MTIF2: variants seen among roughly 807,000 people sequenced by gnomAD.
The protein encoded by MTIF2 is mitochondrial translational initiation factor 2, also known as translation initiation factor IF-2, mitochondrial.
In MTIF2, 71 loss-of-function variants were observed where a neutral mutation model predicts 83.5. The ratio of observed to expected loss-of-function variants is 0.85; its 90% CI spans 0.70 to 1.04. The LOEUF is 1.04. Among genes scored for constraint, MTIF2 ranks in the 50% least tolerant of loss-of-function variants. The pLI is 0.00. For synonymous variants in MTIF2, 319 were observed against 287.1 expected (o/e 1.11, Z -1.12); for missense variants, 957 against 846.5 (o/e 1.13, Z -1.62).
chr2:55,265,168 G>C (rs920237866), intron 3 of MTIF2, among the ~76,000 whole-genome samples: 3 of 151,440 alleles, frequency 2.0e-5, no homozygotes, highest in Non-Finnish European at 4.4e-5. Flanking sequence ...ACTTGAACCC[G>C]GGAGGTCGAG....
intron 7 of MTIF2, among the ~76,000 whole-genome samples, chr2:55,252,918 C>T (rs904531896): frequency 2.6e-5 from 4 of 152,122 alleles, no homozygotes; most frequent in Non-Finnish European, 5.9e-5. Flanking sequence ...ATAAATGTAT[C>T]AACTGATATA....
chr2:55,236,826 A>G lies in MTIF2; in HGVS notation c.2012-6T>C. On this transcript the variant is annotated splice_polypyrimidine_tract_variant and splice_region_variant and intron_variant, in intron 15 of 15. Transcript: ENST00000263629. ...TTTCAATGAGGTTAATGAGCCTTAAAAAAGATAATTTAAGGTTAGTATATT... is the reference window on the plus strand; with the variant it reads ...TTTCAATGAGGTTAATGAGCCTTAAGAAAGATAATTTAAGGTTAGTATATT... The G allele has an allele frequency of 6.4e-7, 1 of 1,572,894 alleles. No individual in the cohort carries two copies. Among genetic ancestry groups the G allele is most frequent in the Non-Finnish European group, 8.6e-7 (1 of 1,166,062 alleles).
At chr2:55,263,984 G>A (rs1322881055) in intron 3 of MTIF2, 119 bp from the exon 4 acceptor site, 1 of 725,950 alleles carries the variant, frequency 1.4e-6, no homozygotes, top group Non-Finnish European at 2.3e-6. Context: ...ACAACAATGA[G>A]TAAAACTGGG....
intron 4 of MTIF2, 119 bp from the exon 5 acceptor site, chr2:55,262,546 T>TC (rs1330812426): frequency 8.0e-5 from 48 of 600,830 alleles, no homozygotes; most frequent in South Asian, 6.3e-4. Flanking sequence ...TTTTTCTTTT[T>TC]TTTTTTTTTT....
At chr2:55,268,110 G>A (rs1325170078) in intron 2 of MTIF2, among the ~76,000 whole-genome samples, 4 of 152,092 alleles carry the variant, frequency 2.6e-5, no homozygotes, top group African/African-American at 4.8e-5. Flanking sequence ...AAAATTAGCC[G>A]GGTACGGTGG....
intron 14 of MTIF2, 59 bp downstream of exon 14, chr2:55,239,952 G>A (rs1274170973): frequency 6.9e-7 from 1 of 1,443,948 alleles, no homozygotes; most frequent in Non-Finnish European, 9.4e-7. Flanking sequence ...TTGCTTTGAA[G>A]TGCTATTTAT....
chr2:55,262,523 ATTTC>A (rs941240047), intron 4 of MTIF2, 96 bp from the exon 5 acceptor site: 7 of 579,700 alleles, frequency 1.2e-5, no homozygotes, highest in African/African-American at 2.1e-5. Flanking sequence ...TCATAGCTAC[ATTTC>A]TTTCTTTTTT....
intron 3 of MTIF2, chr2:55,266,514 A>C (rs1025906412): frequency 3.9e-4 from 54 of 138,638 alleles, no homozygotes; most frequent in Middle Eastern, 3.8e-3. Flanking sequence ...AGACAGAGCG[A>C]GACTCTGTCT....
At chr2:55,242,612 A>T (rs1676405781) in intron 13 of MTIF2, among the ~76,000 whole-genome samples, 1 of 152,224 alleles carries the variant, frequency 6.6e-6, no homozygotes, top group Non-Finnish European at 1.5e-5. Flanking sequence ...CTGATGAAAG[A>T]TATGAGAAAT....
chr2:55,264,691 C>G (rs1678296858), intron 3 of MTIF2, among the ~76,000 whole-genome samples: 1 of 152,264 alleles, frequency 6.6e-6, no homozygotes, highest in South Asian at 2.1e-4. Flanking sequence ...TAACACTTTT[C>G]CATCTTCCCA....
intron 5 of MTIF2, 95 bp from the exon 6 acceptor site, chr2:55,254,920 T>G (rs1176127428): frequency 6.4e-6 from 4 of 626,402 alleles, no homozygotes; most frequent in Non-Finnish European, 7.0e-6. Flanking sequence ...GTACACTCAA[T>G]GAGAGGAATA....
Position 55,242,781 on chromosome 2 carries a change from A to G in MTIF2, c.1705+159T>C, listed in dbSNP as rs192798343. Among the ~76,000 whole-genome samples the G allele has an allele frequency of 2.0e-3, 310 of 152,302 alleles. 1 individual carries two copies. The highest frequency in any genetic ancestry group is 3.4e-3 in the Middle Eastern group (1 of 294). ...CTATAGCCACAATACTGCACATCCT[A>G]TTAAGTTTCAATTGCTAGCTGGGAC... On this transcript the variant is annotated intron_variant, in intron 13 of 15. Coordinates refer to ENST00000263629, the MANE Select transcript of MTIF2 (RefSeq NM_002453.3).
intron 5 of MTIF2, among the ~76,000 whole-genome samples, chr2:55,257,397 C>A (rs1463302417): frequency 1.3e-5 from 2 of 152,144 alleles, no homozygotes; most frequent in Non-Finnish European, 2.9e-5. Flanking sequence ...AGGAGACTCT[C>A]TTGAACCCGG....
In MTIF2 at chr2:55,244,223, T is replaced by C. The variant is rs1450959688; in HGVS notation, c.1117A>G (p.Thr373Ala). Residue 373 changes from threonine to alanine, a missense_variant, in exon 11 of 16, where the codon ACA (threonine) becomes GCA (alanine). Transcript: ENST00000263629. ...AAAGTTCCTCTTTGAATTATAGCTG[T>C]AGTAACAAGACTAAAATGAAAATAA... ...FTDKGRGLVT[T>A]AIIQRGTLRK... 1.2e-6 allele frequency: 2 copies of C among 1,611,024 alleles called. No individual in the cohort carries two copies. Among genetic ancestry groups the C allele is most frequent in the Admixed American group, 3.3e-5 (2 of 59,920 alleles).
At chr2:55,257,368 C>T (rs1677629340) in intron 5 of MTIF2, among the ~76,000 whole-genome samples, 1 of 152,130 alleles carries the variant, frequency 6.6e-6, no homozygotes. Context: ...GTAATCCCAG[C>T]TGCTCCAGAG....
chr2:55,240,396 C>G (rs1248120152), intron 13 of MTIF2, among the ~76,000 whole-genome samples: 4 of 152,178 alleles, frequency 2.6e-5, no homozygotes, highest in African/African-American at 4.8e-5. Context: ...GCCTGGCCAA[C>G]ATGGTGAAAC....
At chr2:55,246,843 T>C (rs1467202571) in intron 9 of MTIF2, among the ~76,000 whole-genome samples, 1 of 152,254 alleles carries the variant, frequency 6.6e-6, no homozygotes, top group Non-Finnish European at 1.5e-5. Flanking sequence ...TCCTTCCTCT[T>C]GCTTTCTTTT....
At chr2:55,260,054 CAA>C (rs1328499715) in intron 5 of MTIF2, among the ~76,000 whole-genome samples, 3 of 152,156 alleles carry the variant, frequency 2.0e-5, no homozygotes, top group African/African-American at 7.2e-5. Flanking sequence ...CATTTATTTT[CAA>C]AGTTTTCTAG....
At chr2:55,258,864 C>G (rs1677745022) in intron 5 of MTIF2, among the ~76,000 whole-genome samples, 2 of 151,370 alleles carry the variant, frequency 1.3e-5, no homozygotes, top group Admixed American at 6.6e-5. Flanking sequence ...CCTGTAATCC[C>G]AGCTATTCAG....
Sources: allele counts gnomAD v4.1 joint callset (sites outside exome capture counted in the v4.1 genomes callset), GRCh38; gene constraint gnomAD v4.1.1; transcripts MANE v1.5; gene names NCBI Gene and HGNC (gene_info 2026-07-23, HGNC 2026-07-21).